The following SAMD3 variants were observed in gnomAD, a reference collection of about 807,000 sequenced individuals.
SAMD3 encodes the protein sterile alpha motif domain containing 3.
Under a neutral mutation model 58.5 loss-of-function variants are expected in SAMD3, and 63 were observed. That is an observed-to-expected ratio of 1.08 (90% confidence interval 0.88 to 1.33). SAMD3 has a LOEUF of 1.33. Ranked by LOEUF, SAMD3 falls within the 40% of genes most tolerant of loss-of-function variation. The pLI is 0.00. For missense variants in SAMD3, 604 were observed against 608.4 expected (o/e 0.99, Z 0.08); for synonymous variants, 220 against 210.3 (o/e 1.05, Z -0.40).
chr6:130,303,786 C>T (rs1259035221), intron 2 of SAMD3, among the ~76,000 whole-genome samples: 1 of 152,126 alleles, frequency 6.6e-6, no homozygotes, highest in Non-Finnish European at 1.5e-5. Context: ...ACTTTATTGG[C>T]CTGGTAATCT....
chr6:130,284,093 T>C (rs998087155), intron 2 of SAMD3, among the ~76,000 whole-genome samples: 1 of 152,224 alleles, frequency 6.6e-6, no homozygotes, highest in Non-Finnish European at 1.5e-5. Context: ...CTTCAAGTGA[T>C]TTGCCCACTT....
At chr6:130,314,489 T>C (rs1776292240) in intron 1 of SAMD3, among the ~76,000 whole-genome samples, 2 of 152,232 alleles carry the variant, frequency 1.3e-5, no homozygotes, top group Admixed American at 6.5e-5. Flanking sequence ...ACAGTTAGAC[T>C]TTCTCTTTAA....
intron 1 of SAMD3, among the ~76,000 whole-genome samples, chr6:130,357,530 C>A (rs984301902): frequency 6.6e-6 from 1 of 152,198 alleles, no homozygotes; most frequent in African/African-American, 2.4e-5. Flanking sequence ...TAGCCCCTGG[C>A]AAACCACCTG....
At chr6:130,353,101 C>T (rs1195928260) in intron 1 of SAMD3, among the ~76,000 whole-genome samples, 2 of 152,118 alleles carry the variant, frequency 1.3e-5, no homozygotes, top group African/African-American at 4.8e-5. Flanking sequence ...TTAGAAAGGC[C>T]AGCACTCTGT....
chr6:130,191,696 A>C (rs1793564000), intron 5 of SAMD3, among the ~76,000 whole-genome samples: 1 of 151,668 alleles, frequency 6.6e-6, no homozygotes, highest in South Asian at 2.1e-4. Context: ...CATTGACTTA[A>C]ATTTAAAGGA....
chr6:130,340,301 G>C (rs1283252171), intron 1 of SAMD3, among the ~76,000 whole-genome samples: 2 of 152,136 alleles, frequency 1.3e-5, no homozygotes, highest in Non-Finnish European at 2.9e-5. Context: ...CTGTTTCCTT[G>C]CCTTTTTCTG....
intron 1 of SAMD3, among the ~76,000 whole-genome samples, chr6:130,337,080 T>C (rs1383487592): frequency 1.3e-5 from 2 of 152,206 alleles, no homozygotes; most frequent in East Asian, 1.9e-4. Context: ...TGCCTTGATA[T>C]GGGCTGGCTC....
At chr6:130,146,807 T>A (rs1462420589) in intron 9 of SAMD3, among the ~76,000 whole-genome samples, 1 of 151,760 alleles carries the variant, frequency 6.6e-6, no homozygotes, top group East Asian at 2.0e-4. Context: ...AAACCCTGTC[T>A]CTACAAAACA....
At position 130,283,601 on chromosome 6, in the gene SAMD3, T is replaced by C. The variant is rs572337386; in HGVS notation, c.-188+29377A>G. 2.0e-5 allele frequency among the ~76,000 whole-genome samples: 3 copies of C among 152,334 alleles called. No homozygotes were observed. In the East Asian group the frequency reaches 5.8e-4, roughly 29 times the overall value. On this transcript the variant is annotated intron_variant, in intron 2 of 13. Transcript: ENST00000368134. The stretch of plus-strand genomic sequence containing the variant: ...AAGAGAAACGGTATATTGTATTGCC[T>C]TTCTTCAAATTACTAAGAGAAAATA...
At chr6:130,365,792 G>C, upstream of SAMD3, 1 of 985,496 alleles carries the variant, frequency 1.0e-6, no homozygotes, top group Non-Finnish European at 1.2e-6. Flanking sequence ...TTTGTGGCCG[G>C]GACGCGGATC....
chr6:130,179,212 A>G (rs972895753), intron 7 of SAMD3, among the ~76,000 whole-genome samples: 8 of 152,158 alleles, frequency 5.3e-5, no homozygotes, highest in Non-Finnish European at 1.2e-4. Context: ...ATCAAATACA[A>G]TCTTCCACAT....
At chr6:130,176,287 G>T in intron 7 of SAMD3, 1 of 376,312 alleles carries the variant, frequency 2.7e-6, no homozygotes, top group Non-Finnish European at 4.9e-6. Flanking sequence ...TAAATATATT[G>T]GTTCTTGAAC....
chr6:130,200,112 A>C (rs976154961), intron 5 of SAMD3, among the ~76,000 whole-genome samples: 3 of 152,142 alleles, frequency 2.0e-5, no homozygotes, highest in African/African-American at 7.2e-5. Context: ...CAGAAAAAAA[A>C]AACTTTTAAA....
chr6:130,251,179 A>G (rs1165352305), intron 2 of SAMD3, among the ~76,000 whole-genome samples: 1 of 152,164 alleles, frequency 6.6e-6, no homozygotes, highest in Non-Finnish European at 1.5e-5. Flanking sequence ...CATTTCCATT[A>G]TGGATAGAGA....
chr6:130,145,556 C>T, intron 10 of SAMD3, 134 bp from the exon 11 acceptor site: 1 of 571,292 alleles, frequency 1.8e-6, no homozygotes, highest in Non-Finnish European at 3.2e-6. Flanking sequence ...ATCAATGTTT[C>T]ACACCTTTTT....
intron 2 of SAMD3, among the ~76,000 whole-genome samples, chr6:130,231,335 G>A (rs986778634): frequency 7.2e-5 from 11 of 152,064 alleles, no homozygotes; most frequent in African/African-American, 2.2e-4. Flanking sequence ...AAGCTGAGGC[G>A]GGCAGATCAC....
intron 1 of SAMD3, among the ~76,000 whole-genome samples, chr6:130,351,055 C>A (rs1029589657): frequency 6.6e-6 from 1 of 152,112 alleles, no homozygotes; most frequent in Non-Finnish European, 1.5e-5. Context: ...CCCTTCCTTA[C>A]ACCTTATACA....
At chr6:130,189,957 G>T (rs1793374455) in intron 5 of SAMD3, among the ~76,000 whole-genome samples, 1 of 152,148 alleles carries the variant, frequency 6.6e-6, no homozygotes, top group African/African-American at 2.4e-5. Flanking sequence ...AACTCTAATA[G>T]AAAAACCTGT....
intron 2 of SAMD3, among the ~76,000 whole-genome samples, chr6:130,240,124 C>G (rs984962695): frequency 6.6e-6 from 1 of 152,194 alleles, no homozygotes; most frequent in African/African-American, 2.4e-5. Flanking sequence ...TATGATGTCC[C>G]TTCATGGAAA....
Sources: gnomAD v4.1 joint callset for allele counts (sites outside exome capture counted in the v4.1 genomes callset) on GRCh38, gnomAD v4.1.1 for gene constraint, MANE v1.5 for transcripts, NCBI Gene and HGNC (gene_info 2026-07-23, HGNC 2026-07-21) for gene names.